The following UST variants were observed in gnomAD, a reference collection of about 807,000 sequenced individuals.
The protein encoded by UST is uronyl 2-sulfotransferase.
In UST, 21 loss-of-function variants were observed where a neutral mutation model predicts 45.6. The ratio of observed to expected loss-of-function variants is 0.46; its 90% CI spans 0.33 to 0.66. UST has a LOEUF of 0.66. UST is among the 30% of genes least tolerant of loss of function. UST has a pLI of 0.02. For synonymous variants in UST, 215 were observed against 200.6 expected, an observed-to-expected ratio of 1.07 and a Z score of -0.61; for missense variants, 463 against 512.4, an observed-to-expected ratio of 0.90 and a Z score of 0.93.
chr6:149,057,786 A>G (rs9498199), intron 7 of UST, among the ~76,000 whole-genome samples: 59,595 of 152,056 alleles, frequency 0.39, 12,783 homozygotes, highest in African/African-American at 0.55. Flanking sequence ...TAAACAATAT[A>G]GCACAGATGT....
intron 1 of UST, among the ~76,000 whole-genome samples, chr6:148,817,087 G>A (rs1777371812): frequency 6.6e-6 from 1 of 152,218 alleles, no homozygotes; most frequent in South Asian, 2.1e-4. Flanking sequence ...AAGTATGCTA[G>A]GAGATTTTGG....
intron 3 of UST, among the ~76,000 whole-genome samples, chr6:148,951,056 G>A (rs935287763): frequency 6.6e-6 from 1 of 152,182 alleles, no homozygotes; most frequent in Admixed American, 6.5e-5. Flanking sequence ...TCTGAAAGAG[G>A]GAACTTAAAC....
intron 1 of UST, among the ~76,000 whole-genome samples, chr6:148,840,668 G>A (rs921843389): frequency 5.9e-5 from 9 of 152,146 alleles, no homozygotes; most frequent in Admixed American, 1.3e-4. Context: ...TTTTCAATCC[G>A]TGTCTGGTTG....
chr6:148,755,631 G>A (rs1432862458), intron 1 of UST, among the ~76,000 whole-genome samples: 6 of 150,392 alleles, frequency 4.0e-5, no homozygotes, highest in Admixed American at 1.3e-4. Context: ...GTTCTCATGA[G>A]ATCTGATGGT....
chr6:148,949,395 A>AAATAATAATAATAATAAT (rs71007932), intron 3 of UST, among the ~76,000 whole-genome samples: 1 of 136,852 alleles, frequency 7.3e-6, no homozygotes, highest in African/African-American at 2.7e-5. Flanking sequence ...CTTTGTCTCA[A>AAATAATAATAATAATAAT]AATAATAATA....
intron 2 of UST, among the ~76,000 whole-genome samples, chr6:148,902,655 A>G (rs1259449975): frequency 1.3e-5 from 2 of 152,078 alleles, no homozygotes; most frequent in African/African-American, 4.8e-5. Context: ...CTGGGATTGT[A>G]GCTGTGAGCC....
At chr6:148,990,508 A>G (rs574852387) in intron 5 of UST, 157 of 592,118 alleles carry the variant, frequency 2.7e-4, no homozygotes, top group Middle Eastern at 8.4e-4. Context: ...TAAAATTACA[A>G]TCCCAGATAT....
chr6:148,893,237 G>A (rs1351701), intron 2 of UST, among the ~76,000 whole-genome samples: 32,469 of 151,952 alleles, frequency 0.21, 4,173 homozygotes, highest in African/African-American at 0.35. Flanking sequence ...TCATTAGAAG[G>A]CGGCTTACAA....
intron 3 of UST, among the ~76,000 whole-genome samples, chr6:148,951,922 A>G (rs1052583765): frequency 6.6e-6 from 1 of 152,240 alleles, no homozygotes; most frequent in African/African-American, 2.4e-5. Flanking sequence ...TCTAACTACT[A>G]CTATTCTTCC....
At chr6:148,758,880 C>T (rs1776147902) in intron 1 of UST, among the ~76,000 whole-genome samples, 2 of 152,224 alleles carry the variant, frequency 1.3e-5, no homozygotes, top group Admixed American at 6.5e-5. Context: ...AAAACCCTGA[C>T]CTTGTCATCC....
At chr6:148,928,709 T>C (rs1779866929) in intron 2 of UST, among the ~76,000 whole-genome samples, 1 of 152,258 alleles carries the variant, frequency 6.6e-6, no homozygotes, top group African/African-American at 2.4e-5. Context: ...AATTCAATTA[T>C]GAAAAAGGTA....
chr6:148,822,619 G>A (rs1472511026), intron 1 of UST, among the ~76,000 whole-genome samples: 4 of 152,190 alleles, frequency 2.6e-5, no homozygotes, highest in South Asian at 2.1e-4. Context: ...GACTTCTACA[G>A]CCTCAGTAGC....
At chr6:148,855,889 G>A (rs993635386) in intron 1 of UST, among the ~76,000 whole-genome samples, 3 of 152,162 alleles carry the variant, frequency 2.0e-5, no homozygotes, top group Non-Finnish European at 4.4e-5. Flanking sequence ...AGGAACTAGG[G>A]CAGCACCTGG....
At chr6:148,950,326 T>A (rs112382059) in intron 3 of UST, among the ~76,000 whole-genome samples, 4,366 of 152,320 alleles carry the variant, frequency 0.029, 72 homozygotes, top group African/African-American at 0.04. Context: ...TTCATGCCAT[T>A]GTCATTTGCT....
rs534103479 is a variant in UST, at chr6:148,993,145, C to T, written c.682-25994C>T. 36 of 865,738 alleles carry T rather than the reference C, an allele frequency of 4.2e-5. No individual in the cohort carries two copies. In the South Asian group the frequency reaches 1.5e-3, roughly 37 times the overall value. 53.6% of individuals were successfully genotyped at this position (865,738 alleles called of 1,614,324 possible). On this transcript the variant is annotated intron_variant, in intron 5 of 7. Transcript: ENST00000367463. ...CCCAAATTCTGAATGTCAGTAAGTT[C>T]GATTTCTACATCTAAACAAGGCCAG...
rs1775945845 is a variant in UST, at chr6:149,019,172, G to A, written c.715G>A (p.Glu239Lys). The change falls in exon 6 of 8, where the codon GAG becomes AAG. Residue 239 changes from glutamate to lysine, a missense_variant. Glu to Lys is a moderately conservative substitution (Grantham distance 56, BLOSUM62 1). Coordinates refer to ENST00000367463, the MANE Select transcript of UST (RefSeq NM_005715.3). ...TGAGTGTATTCTTGAAAACTATCCC[G>A]AGTGCTCCAACCCCAGGTTATTTTA... The part of the protein sequence containing the change: ...INECILENYP[E>K]CSNPRLFYII... The A allele has an allele frequency of 6.2e-7, 1 of 1,613,908 alleles. No homozygotes were observed. Among genetic ancestry groups the A allele is most frequent in the Non-Finnish European group, 8.5e-7 (1 of 1,179,916 alleles).
chr6:148,801,537 C>T (rs1777057545), intron 1 of UST, among the ~76,000 whole-genome samples: 1 of 152,090 alleles, frequency 6.6e-6, no homozygotes, highest in South Asian at 2.1e-4. Context: ...GGCCAGCATC[C>T]TTGCACAGGG....
At position 148,791,903 on chromosome 6, in the gene UST, A is replaced by G. The variant is rs148266856; in HGVS notation, c.247+44226A>G. On this transcript the variant is annotated intron_variant, in intron 1 of 7. Coordinates refer to ENST00000367463, the MANE Select transcript of UST (RefSeq NM_005715.3). ...AAGTCAGGACCAACGCGTCAATCAC[A>G]TGATGCAGGATGCTGTATCTAAGCT... Among the ~76,000 whole-genome samples, 1,327 of 152,324 alleles carry G rather than the reference A, an allele frequency of 8.7e-3. 21 individuals are homozygous for G. The highest frequency in any genetic ancestry group is 0.03 in the African/African-American group (1,260 of 41,554).
intron 7 of UST, among the ~76,000 whole-genome samples, chr6:149,028,115 A>T (rs1332170814): frequency 6.6e-6 from 1 of 152,108 alleles, no homozygotes; most frequent in African/African-American, 2.4e-5. Flanking sequence ...AAGTGCTGGG[A>T]TTACTGGCGT....
Sources: allele counts gnomAD v4.1 joint callset (sites outside exome capture counted in the v4.1 genomes callset), GRCh38; gene constraint gnomAD v4.1.1; transcripts MANE v1.5; gene names NCBI Gene and HGNC (gene_info 2026-07-23, HGNC 2026-07-21).